The following TREH variants were observed in gnomAD, a reference collection of about 807,000 sequenced individuals.
The protein encoded by TREH is alpha,alpha-trehalose glucohydrolase.
A neutral mutation model predicts 80.5 loss-of-function variants in TREH; 69 were observed. The observed-to-expected ratio is 0.86, with a 90% CI of 0.71 to 1.05. TREH has a LOEUF of 1.05. Among genes scored for constraint, TREH ranks in the 50% least tolerant of loss-of-function variants. The pLI is 0.00. For missense variants in TREH, 716 were observed against 718.8 expected (o/e 1.00, Z 0.04); for synonymous variants, 309 against 293.5 (o/e 1.05, Z -0.54).
Position 118,662,973 on chromosome 11 carries a change from A to G in TREH, c.336-5T>C. Reference sequence around the variant, plus strand: ...ATCTTCTGCAGGAACTGGGGGCTGAAAGAACACAGGCCCCACAGGGTTCAA... The same window carrying G: ...ATCTTCTGCAGGAACTGGGGGCTGAGAGAACACAGGCCCCACAGGGTTCAA... On this transcript the variant is annotated splice_region_variant and splice_polypyrimidine_tract_variant and intron_variant, in intron 3 of 14. Transcript: ENST00000264029. 1.2e-6 allele frequency: 2 copies of G among 1,612,514 alleles called. No homozygotes were observed. Among genetic ancestry groups the G allele is most frequent in the Non-Finnish European group, 1.7e-6 (2 of 1,179,092 alleles).
At position 118,662,018 on chromosome 11, in the gene TREH, G is replaced by T. The variant is rs1320909926; in HGVS notation, c.424-28C>A. On this transcript the variant is annotated intron_variant, in intron 4 of 14. Transcript: ENST00000264029. ...GGAGTCGGGAGAGAGGGCAAGGGGA[G>T]CCTAGAATCCCCACGGAAGCAGAGG... 9.9e-6 allele frequency: 15 copies of T among 1,521,570 alleles called. No individual in the cohort carries two copies. The East Asian group carries it at 3.2e-4, about 32-fold the overall frequency. The allele number at this position is 1,521,570 out of a possible 1,614,324, so 94.3% of individuals were successfully genotyped here. A position where few individuals can be genotyped will look rare whatever the true frequency, so the allele number is the denominator to read the frequency against.
rs2137264756 is a variant in TREH, at chr11:118,661,806, T to C, written c.525-77A>G. 1 of 1,600,378 alleles carries C rather than the reference T, an allele frequency of 6.2e-7. No individual in the cohort carries two copies. The highest frequency in any genetic ancestry group is 1.7e-4 in the Middle Eastern group (1 of 6,012). ...CACCAGCCAGTGGGGCACTCTGCCCTGCTGAAGACACCCTGCTGGCCCTGG... is the reference window on the plus strand; with the variant it reads ...CACCAGCCAGTGGGGCACTCTGCCCCGCTGAAGACACCCTGCTGGCCCTGG... On this transcript the variant is annotated intron_variant, in intron 5 of 14. Transcript: ENST00000264029. The surrounding 1 kb of genome is among the most constrained non-coding windows in gnomAD (Gnocchi z 4.2).
chr11:118,669,263 A>C (rs1949409162), intron 1 of TREH, among the ~76,000 whole-genome samples: 1 of 152,238 alleles, frequency 6.6e-6, no homozygotes, highest in Admixed American at 6.5e-5. Context: ...AAATTAGTAC[A>C]ACCACTATGG....
rs1949315330 is a variant in TREH, at chr11:118,661,042, T to C, written c.857+118A>G. On this transcript the variant is annotated intron_variant, in intron 8 of 14. Transcript: ENST00000264029. The surrounding 1 kb of genome is among the most constrained non-coding windows in gnomAD (Gnocchi z 4.2). ...CACAGCCCAGGATTGCAGAGGGCTC[T>C]CGGTGTCACCATCTGAGAGGCCAGG... 6.4e-7 allele frequency: 1 copy of C among 1,563,992 alleles called. No individual in the cohort carries two copies. The highest frequency in any genetic ancestry group is 8.7e-7 in the Non-Finnish European group (1 of 1,150,742).
intron 14 of TREH, 44 bp downstream of exon 14, chr11:118,658,636 C>A (rs1555144022): frequency 6.4e-7 from 1 of 1,557,074 alleles, no homozygotes. Flanking sequence ...CAGCAGAGTT[C>A]AGGAGTTCCC....
intron 1 of TREH, among the ~76,000 whole-genome samples, chr11:118,670,728 G>A (rs1949423000): frequency 6.6e-6 from 1 of 152,150 alleles, no homozygotes; most frequent in African/African-American, 2.4e-5. Flanking sequence ...CCAGGATAAG[G>A]CCACTCAGGC....
chr11:118,670,139 T>C (rs782515630), intron 1 of TREH, among the ~76,000 whole-genome samples: 1 of 152,216 alleles, frequency 6.6e-6, no homozygotes, highest in Non-Finnish European at 1.5e-5. Flanking sequence ...ACCCAGAGAT[T>C]GGGAGGTCAG....
intron 1 of TREH, among the ~76,000 whole-genome samples, chr11:118,664,187 G>C (rs1026730995): frequency 2.0e-5 from 3 of 152,178 alleles, no homozygotes; most frequent in Admixed American, 6.5e-5. Context: ...CCACATAGAA[G>C]GGGCCCTATG....
Position 118,663,060 on chromosome 11 carries a change from C to G in TREH, c.327G>C (p.Trp109Cys). The change falls in exon 3 of 15, where the codon TGG becomes TGC. Residue 109 changes from tryptophan to cysteine, a missense_variant. Trp to Cys is a radical substitution (Grantham distance 215, BLOSUM62 -2). Coordinates refer to ENST00000264029, the MANE Select transcript of TREH (RefSeq NM_007180.3). Reference sequence around the variant, plus strand: ...CCCTTCCAGAGTCATACCTGTCTTTCCAGTCTGCAGGGGTCCAGGGCTGCA... The same window carrying G: ...CCCTTCCAGAGTCATACCTGTCTTTGCAGTCTGCAGGGGTCCAGGGCTGCA... ...QELQPWTPAD[W>C]KDSPQFLQKI... 1 of 1,613,608 alleles carries G rather than the reference C, an allele frequency of 6.2e-7. No homozygotes were observed. The highest frequency in any genetic ancestry group is 8.5e-7 in the Non-Finnish European group (1 of 1,179,618).
Position 118,662,881 on chromosome 11 carries a change from C to G in TREH, c.423G>C (p.Lys141Asn), listed in dbSNP as rs1555145241. The G allele has an allele frequency of 1.3e-6, 2 of 1,581,160 alleles. No homozygotes were observed. The highest frequency in any genetic ancestry group is 1.7e-6 in the Non-Finnish European group (2 of 1,163,272). Reference sequence around the variant, plus strand: ...TTGGGCAGGCCCAGGACGCTGATACCTTCTTCCCCAGCTTCTTCCAGAGCT... The same window carrying G: ...TTGGGCAGGCCCAGGACGCTGATACGTTCTTCCCCAGCTTCTTCCAGAGCT... ...LHQLWKKLGK[K>N]MKPEVLSHPE... Residue 141 changes from lysine to asparagine, a missense_variant and splice_region_variant, in exon 4 of 15, where the codon AAG becomes AAC. By Grantham distance (94) the Lys-to-Asn change is moderately conservative. Coordinates refer to ENST00000264029, the MANE Select transcript of TREH (RefSeq NM_007180.3).
In TREH at chr11:118,661,999, G is replaced by T; in HGVS notation, c.424-9C>A. 6.5e-7 allele frequency: 1 copy of T among 1,548,772 alleles called. No homozygotes were observed. The highest frequency in any genetic ancestry group is 1.2e-5 in the South Asian group (1 of 84,014). On this transcript the variant is annotated splice_polypyrimidine_tract_variant and intron_variant, in intron 4 of 14. Transcript: ENST00000264029. The surrounding 1 kb of genome is among the most constrained non-coding windows in gnomAD (Gnocchi z 4.2). The stretch of plus-strand genomic sequence containing the variant: ...AGAACCTCTGGCTTCATCTGGAGTC[G>T]GGAGAGAGGGCAAGGGGAGCCTAGA...
Position 118,661,163 on chromosome 11 carries a change from G to C in TREH, c.854C>G (p.Pro285Arg). The C allele has an allele frequency of 6.2e-7, 1 of 1,613,786 alleles. No individual in the cohort carries two copies. The highest frequency in any genetic ancestry group is 8.5e-7 in the Non-Finnish European group (1 of 1,179,868). Residue 285 changes from proline (P) to arginine (R), a missense_variant, in exon 8 of 15, where the codon CCC becomes CGC. Physicochemically the swap from Pro to Arg is moderately radical, Grantham distance 103. Transcript: ENST00000264029. The surrounding 1 kb of genome is among the most constrained non-coding windows in gnomAD (Gnocchi z 4.2). ...LNRYYVPYGG[P>R]RPESYSKDVE... ...GGTGGGCTGCCCAGTTCCTCACCTG[G>C]GTCCCCCATAAGGGACATAATAGCG... is the stretch of plus-strand genomic sequence containing the variant.
intron 1 of TREH, among the ~76,000 whole-genome samples, chr11:118,671,665 A>G (rs1949430925): frequency 6.6e-6 from 1 of 152,200 alleles, no homozygotes; most frequent in African/African-American, 2.4e-5. Context: ...TCCCAAACCT[A>G]GAGAAAGACA....
At chr11:118,664,329 G>A (rs1421899758) in intron 1 of TREH, among the ~76,000 whole-genome samples, 14 of 152,232 alleles carry the variant, frequency 9.2e-5, no homozygotes, top group African/African-American at 3.4e-4. Flanking sequence ...TCAGTGGACT[G>A]AATTGCATGC....
chr11:118,672,232 CAAAAAATACA>C (rs1291657869), intron 1 of TREH, among the ~76,000 whole-genome samples: 6 of 151,154 alleles, frequency 4.0e-5, no homozygotes, highest in African/African-American at 1.5e-4. Context: ...CTGTCTCTAC[CAAAAAATACA>C]AAAAAATTAG....
At chr11:118,663,701 G>A (rs1949350812) in intron 1 of TREH, among the ~76,000 whole-genome samples, 1 of 152,142 alleles carries the variant, frequency 6.6e-6, no homozygotes, top group Non-Finnish European at 1.5e-5. Flanking sequence ...TTGAGATGGT[G>A]TAGAATAGCT....
chr11:118,664,486 A>C (rs1949358771), intron 1 of TREH, among the ~76,000 whole-genome samples: 1 of 152,244 alleles, frequency 6.6e-6, no homozygotes, highest in East Asian at 1.9e-4. Context: ...GCATAACCCT[A>C]TGGAAAGGTA....
Position 118,660,557 on chromosome 11 carries a change from T to C in TREH, c.1084A>G (p.Asn362Asp). The change falls in exon 10 of 15, where the codon AAC (asparagine) becomes GAC (aspartate). Residue 362 changes from asparagine to aspartate, a missense_variant. Transcript: ENST00000264029. ...TGCTCACCCAGCCTGGAATAGAAGT[T>C]GCTCATCAGCTCCTCTGCTTGGCAT... ...FLCQAEELMSNFYSRLGNDSQ... is the reference protein window; with the variant it reads ...FLCQAEELMSDFYSRLGNDSQ... 2 of 1,606,742 alleles carry C rather than the reference T, an allele frequency of 1.2e-6. No individual in the cohort carries two copies. The highest frequency in any genetic ancestry group is 1.7e-6 in the Non-Finnish European group (2 of 1,175,786).
At chr11:118,665,225 T>G (rs1949365347) in intron 1 of TREH, among the ~76,000 whole-genome samples, 1 of 152,136 alleles carries the variant, frequency 6.6e-6, no homozygotes, top group Admixed American at 6.5e-5. Context: ...GGCGGAGTTG[T>G]TGGTATGACT....
Sources: allele counts gnomAD v4.1 joint callset (sites outside exome capture counted in the v4.1 genomes callset), GRCh38; gene constraint gnomAD v4.1.1; non-coding constraint Gnocchi (gnomAD v3.1); transcripts MANE v1.5; gene names NCBI Gene and HGNC (gene_info 2026-07-23, HGNC 2026-07-21).